Variants in RASAL2 observed in about 807,000 individuals in gnomAD.
RASAL2 encodes the protein RAS protein activator like 2, also known as ras GTPase-activating protein nGAP.
In RASAL2, 58 loss-of-function variants were observed where a neutral mutation model predicts 128.9. The observed-to-expected ratio is 0.45, with a 90% CI of 0.36 to 0.56. The LOEUF is 0.56. RASAL2 is among the 20% of genes least tolerant of loss of function. The pLI is 0.00. For missense variants in RASAL2, 1,360 were observed against 1,601.6 expected, an observed-to-expected ratio of 0.85 and a Z score of 2.57; for synonymous variants, 561 against 580.8, an observed-to-expected ratio of 0.97 and a Z score of 0.49.
At chr1:178,132,487 T>G (rs139349367) in intron 1 of RASAL2, among the ~76,000 whole-genome samples, 1 of 152,298 alleles carries the variant, frequency 6.6e-6, no homozygotes, top group African/African-American at 2.4e-5. Flanking sequence ...GTTTCTAATC[T>G]AGAAGTGAAT....
intron 1 of RASAL2, among the ~76,000 whole-genome samples, chr1:178,135,295 G>A (rs1660277459): frequency 6.6e-6 from 1 of 152,068 alleles, no homozygotes; most frequent in Non-Finnish European, 1.5e-5. Flanking sequence ...GCCTACAGGT[G>A]TCTTGACCTT....
intron 4 of RASAL2, among the ~76,000 whole-genome samples, chr1:178,395,503 A>C (rs1014164071): frequency 6.6e-6 from 1 of 152,134 alleles, no homozygotes; most frequent in Non-Finnish European, 1.5e-5. Flanking sequence ...ATGTAAATTT[A>C]CAAAATACTT....
chr1:178,269,435 G>C (rs1054953079), intron 1 of RASAL2, among the ~76,000 whole-genome samples: 1 of 152,200 alleles, frequency 6.6e-6, no homozygotes, highest in African/African-American at 2.4e-5. Flanking sequence ...TAGGAACTGG[G>C]TACAGTGAGG....
At chr1:178,466,241 A>G (rs1647673214) in intron 16 of RASAL2, 119 bp downstream of exon 16, 2 of 901,868 alleles carry the variant, frequency 2.2e-6, no homozygotes, top group South Asian at 2.2e-5. Context: ...TACTGAGTAC[A>G]AATGTGATAA....
chr1:178,372,367 C>G (rs1671768336), intron 3 of RASAL2: 2 of 984,474 alleles, frequency 2.0e-6, no homozygotes, highest in Admixed American at 1.2e-4. Flanking sequence ...ATTGTCTGAA[C>G]TTTTCTTACT....
At chr1:178,461,405 G>A (rs544335238) in intron 14 of RASAL2, among the ~76,000 whole-genome samples, 1 of 152,226 alleles carries the variant, frequency 6.6e-6, no homozygotes, top group East Asian at 1.9e-4. Context: ...TACGTCTAAT[G>A]AGTAGGAAGG....
intron 10 of RASAL2, 64 bp downstream of exon 10, chr1:178,451,779 AT>A (rs1677392597): frequency 6.6e-7 from 1 of 1,514,974 alleles, no homozygotes; most frequent in African/African-American, 1.4e-5. Context: ...TGGAACTTAC[AT>A]TTTTTCATGT....
intron 1 of RASAL2, among the ~76,000 whole-genome samples, chr1:178,098,116 G>C (rs989680343): frequency 6.6e-6 from 1 of 152,132 alleles, no homozygotes; most frequent in African/African-American, 2.4e-5. Flanking sequence ...GCCTTGTCAA[G>C]ACTATAAAAT....
chr1:178,100,137 T>TA (rs1309211070), intron 1 of RASAL2, among the ~76,000 whole-genome samples: 22 of 152,136 alleles, frequency 1.4e-4, no homozygotes, highest in Admixed American at 1.0e-3. Context: ...ACATAAATAA[T>TA]ACAAAGTTCT....
At chr1:178,184,379 A>G (rs955991086) in intron 1 of RASAL2, among the ~76,000 whole-genome samples, 19 of 102,958 alleles carry the variant, frequency 1.8e-4, no homozygotes, top group African/African-American at 3.4e-4. Flanking sequence ...CAGGTCACGT[A>G]TAATTTTTCC....
chr1:178,351,733 A>G (rs902905354), intron 3 of RASAL2, among the ~76,000 whole-genome samples: 7 of 84,882 alleles, frequency 8.2e-5, no homozygotes, highest in East Asian at 2.6e-4. Context: ...TATCTCAAGG[A>G]AAAAAAAAAA....
intron 3 of RASAL2, among the ~76,000 whole-genome samples, chr1:178,350,996 CAGA>C (rs1670442737): frequency 6.6e-6 from 1 of 152,122 alleles, no homozygotes; most frequent in South Asian, 2.1e-4. Context: ...TTATTCATGA[CAGA>C]AGGCAAAACG....
intron 5 of RASAL2, among the ~76,000 whole-genome samples, chr1:178,431,100 T>C (rs894629306): frequency 6.6e-6 from 1 of 152,030 alleles, no homozygotes. Flanking sequence ...GAATGAAAAC[T>C]TAAAAGCACT....
chr1:178,187,573 T>C (rs958077687), intron 1 of RASAL2, among the ~76,000 whole-genome samples: 2 of 152,138 alleles, frequency 1.3e-5, no homozygotes, highest in Admixed American at 6.5e-5. Context: ...TTGTCTAGTA[T>C]CTGAAAAAAA....
At chr1:178,412,017 C>A in intron 4 of RASAL2, 40 of 451,822 alleles carry the variant, frequency 8.9e-5, no homozygotes, top group East Asian at 1.7e-4. Flanking sequence ...CGTCTGTGAA[C>A]AAGACTCCTC....
At chr1:178,104,468 T>C (rs898704446) in intron 1 of RASAL2, among the ~76,000 whole-genome samples, 2 of 152,330 alleles carry the variant, frequency 1.3e-5, no homozygotes, top group African/African-American at 4.8e-5. Context: ...TTTAACACTT[T>C]ACTGATTTGT....
At chr1:178,158,883 G>A (rs1023818623) in intron 1 of RASAL2, among the ~76,000 whole-genome samples, 7 of 152,130 alleles carry the variant, frequency 4.6e-5, no homozygotes, top group Non-Finnish European at 8.8e-5. Flanking sequence ...ATATTTCTGA[G>A]GCTAAAGGGC....
chr1:178,438,674 G>T, intron 5 of RASAL2, among the ~76,000 whole-genome samples: 1 of 151,966 alleles, frequency 6.6e-6, no homozygotes, highest in East Asian at 1.9e-4. Flanking sequence ...TGACTGAACG[G>T]TGTTGACAAA....
At chr1:178,128,339 A>G (rs1480426241) in intron 1 of RASAL2, among the ~76,000 whole-genome samples, 1 of 151,990 alleles carries the variant, frequency 6.6e-6, no homozygotes, top group Non-Finnish European at 1.5e-5. Context: ...ATAACATAAT[A>G]CTTAATTTCT....
Sources: gnomAD v4.1 joint callset for allele counts (sites outside exome capture counted in the v4.1 genomes callset) on GRCh38, gnomAD v4.1.1 for gene constraint, MANE v1.5 for transcripts, NCBI Gene and HGNC (gene_info 2026-07-23, HGNC 2026-07-21) for gene names.